The following CYP2C18 variants were observed in gnomAD, a reference collection of about 807,000 sequenced individuals.
CYP2C18 encodes cytochrome P450 2C18.
A neutral mutation model predicts 41.3 loss-of-function variants in CYP2C18; 38 were observed. The ratio of observed to expected loss-of-function variants is 0.92; its 90% CI spans 0.71 to 1.21. CYP2C18 has a LOEUF of 1.21. Ranked by LOEUF, CYP2C18 falls within the 50% of genes most tolerant of loss-of-function variation. The pLI is 0.00. For synonymous variants in CYP2C18, 236 were observed against 210.0 expected (o/e 1.12, Z -1.07); for missense variants, 635 against 591.4 (o/e 1.07, Z -0.77).
At chr10:94,719,856 G>T (rs1319729013) in intron 5 of CYP2C18, among the ~76,000 whole-genome samples, 1 of 151,922 alleles carries the variant, frequency 6.6e-6, no homozygotes, top group East Asian at 1.9e-4. Flanking sequence ...TTACAGGCAT[G>T]TGCCACCATG....
chr10:94,713,466 A>G (rs1342700937), intron 5 of CYP2C18, among the ~76,000 whole-genome samples: 1 of 152,130 alleles, frequency 6.6e-6, no homozygotes, highest in African/African-American at 2.4e-5. Flanking sequence ...TTTGCTGAGA[A>G]TGATGGCTTC....
intron 4 of CYP2C18, among the ~76,000 whole-genome samples, chr10:94,701,379 A>G (rs1452980261): frequency 6.6e-6 from 1 of 152,178 alleles, no homozygotes. Flanking sequence ...ACAAAAAACC[A>G]AACACTGCAT....
At chr10:94,711,564 T>G (rs1847435892) in intron 5 of CYP2C18, among the ~76,000 whole-genome samples, 2 of 152,046 alleles carry the variant, frequency 1.3e-5, no homozygotes, top group Non-Finnish European at 2.9e-5. Flanking sequence ...CACATCACCA[T>G]GCCCAGATAA....
intron 5 of CYP2C18, among the ~76,000 whole-genome samples, chr10:94,711,431 CAG>C (rs767698858): frequency 2.6e-5 from 4 of 151,822 alleles, no homozygotes; most frequent in Non-Finnish European, 5.9e-5. Flanking sequence ...TTTTCTCAGA[CAG>C]AGTCTTACTC....
At chr10:94,695,844 A>T (rs985091592) in intron 4 of CYP2C18, among the ~76,000 whole-genome samples, 1 of 152,156 alleles carries the variant, frequency 6.6e-6, no homozygotes, top group Non-Finnish European at 1.5e-5. Context: ...TATCCTTTGC[A>T]TAGCTCAGAG....
At chr10:94,732,750 C>A (rs567511615) in intron 7 of CYP2C18, among the ~76,000 whole-genome samples, 8 of 152,074 alleles carry the variant, frequency 5.3e-5, no homozygotes, top group African/African-American at 1.4e-4. Context: ...AGGAGTTAAA[C>A]ATCAGTACTC....
intron 4 of CYP2C18, among the ~76,000 whole-genome samples, chr10:94,700,359 C>G (rs888334089): frequency 6.6e-6 from 1 of 152,116 alleles, no homozygotes; most frequent in Non-Finnish European, 1.5e-5. Context: ...ACAAACCTGA[C>G]AAAAACAAGC....
chr10:94,731,554 CA>C (rs1356217573), intron 7 of CYP2C18, among the ~76,000 whole-genome samples: 1 of 152,092 alleles, frequency 6.6e-6, no homozygotes, highest in African/African-American at 2.4e-5. Flanking sequence ...GTCACGCTAC[CA>C]GACTTCAAAC....
chr10:94,706,698 C>T (rs1277085207), intron 4 of CYP2C18, 86 bp from the exon 5 acceptor site: 2 of 710,732 alleles, frequency 2.8e-6, no homozygotes, highest in Non-Finnish European at 4.5e-6. Flanking sequence ...TTTAAAAATT[C>T]ACTCCAGTTT....
In CYP2C18 at chr10:94,735,284, A is replaced by AG. The variant is rs772029846; in HGVS notation, c.1316dup (p.Leu440ProfsTer18). ...TCAGGAAAACGGATGTGTATGGGAG[A>AG]GGGCCTGGCCCGCATGGAGCTGTTT... On this transcript the variant is annotated frameshift_variant, in exon 9 of 9. Transcript: ENST00000285979. LOFTEE classifies it low-confidence loss of function (END_TRUNC). The AG allele has an allele frequency of 7.1e-5, 115 of 1,613,550 alleles. 1 individual carries two copies. The South Asian group carries it at 1.2e-3, about 16-fold the overall frequency.
chr10:94,707,623 A>G (rs963284651), intron 5 of CYP2C18, among the ~76,000 whole-genome samples: 2 of 152,182 alleles, frequency 1.3e-5, no homozygotes, highest in Admixed American at 1.3e-4. Context: ...GGAATTGTGT[A>G]GAAGGATATG....
At chr10:94,713,139 A>G (rs747468648) in intron 5 of CYP2C18, among the ~76,000 whole-genome samples, 1 of 151,994 alleles carries the variant, frequency 6.6e-6, no homozygotes. Flanking sequence ...GAAGTATAGA[A>G]ATTTAATATG....
chr10:94,733,703 T>C (rs1208375865), intron 8 of CYP2C18: 2 of 574,920 alleles, frequency 3.5e-6, no homozygotes, highest in East Asian at 2.9e-4. Flanking sequence ...GATACATCAC[T>C]GAGCTACCCA....
chr10:94,702,336 T>C (rs1194221298), intron 4 of CYP2C18, among the ~76,000 whole-genome samples: 1 of 152,164 alleles, frequency 6.6e-6, no homozygotes, highest in African/African-American at 2.4e-5. Context: ...GTTTTCCAAC[T>C]TGGTTCCATT....
intron 7 of CYP2C18, among the ~76,000 whole-genome samples, chr10:94,730,638 G>A (rs1847815373): frequency 6.6e-6 from 1 of 152,104 alleles, no homozygotes; most frequent in Non-Finnish European, 1.5e-5. Flanking sequence ...TATGTTTAGA[G>A]GCTTCTATTT....
At chr10:94,702,065 A>G (rs942862338) in intron 4 of CYP2C18, among the ~76,000 whole-genome samples, 15 of 151,812 alleles carry the variant, frequency 9.9e-5, no homozygotes, top group Non-Finnish European at 2.2e-4. Context: ...AGTGGCCCCC[A>G]CTCTCTTCTG....
At chr10:94,704,962 C>T (rs932182913) in intron 4 of CYP2C18, among the ~76,000 whole-genome samples, 1 of 152,078 alleles carries the variant, frequency 6.6e-6, no homozygotes, top group Non-Finnish European at 1.5e-5. Flanking sequence ...ATGACTGCCT[C>T]GTGTTAGCCC....
intron 3 of CYP2C18, among the ~76,000 whole-genome samples, chr10:94,693,088 C>A (rs1012534167): frequency 2.0e-5 from 3 of 152,074 alleles, no homozygotes; most frequent in Non-Finnish European, 2.9e-5. Flanking sequence ...GGGTGCAGCA[C>A]ACCAACATGG....
At chr10:94,697,830 C>G (rs1847150230) in intron 4 of CYP2C18, among the ~76,000 whole-genome samples, 1 of 152,104 alleles carries the variant, frequency 6.6e-6, no homozygotes, top group African/African-American at 2.4e-5. Context: ...GGGTTGCAAT[C>G]CTAGTCTCTG....
Sources: allele counts gnomAD v4.1 joint callset (sites outside exome capture counted in the v4.1 genomes callset), GRCh38; gene constraint gnomAD v4.1.1; transcripts MANE v1.5; gene names NCBI Gene and HGNC (gene_info 2026-07-23, HGNC 2026-07-21).